SEMA3A: variants seen among roughly 807,000 people sequenced by gnomAD.
SEMA3A encodes semaphorin-3A.
SEMA3A carries 29 observed loss-of-function variants against 97.9 expected under a neutral mutation model. The ratio of observed to expected loss-of-function variants is 0.30; its 90% CI spans 0.22 to 0.40. SEMA3A has a LOEUF of 0.40. Among genes scored for constraint, SEMA3A ranks in the 10% least tolerant of loss-of-function variants. SEMA3A has a pLI of 1.00. For synonymous variants in SEMA3A, 321 were observed against 323.7 expected, an observed-to-expected ratio of 0.99 and a Z score of 0.09; for missense variants, 763 against 951.3, an observed-to-expected ratio of 0.80 and a Z score of 2.60.
rs1802953021 is a variant in SEMA3A, at chr7:84,370,741, T to C, written c.-169+1083A>G. Among the ~76,000 whole-genome samples, 2 of 151,584 alleles carry C rather than the reference T, an allele frequency of 1.3e-5. 1 individual carries two copies. The highest frequency in any genetic ancestry group is 4.1e-4 in the South Asian group (2 of 4,824). On this transcript the variant is annotated intron_variant, in intron 2 of 3. Transcript: ENST00000424555. ...TTTATAGGGAAGGAAATAAAATTCA[T>C]AGGGATGAAGTTGTAAGATGTAAAG...
At chr7:84,052,652 C>CA (rs1447716702) in intron 5 of SEMA3A, among the ~76,000 whole-genome samples, 1 of 151,888 alleles carries the variant, frequency 6.6e-6, no homozygotes, top group Non-Finnish European at 1.5e-5. Context: ...TTGATCCTTT[C>CA]AAAAAACCAG....
rs182249697 is a variant in SEMA3A at position 84,191,451 on chromosome 7, A to C, written c.112+3024T>G. On this transcript the variant is annotated intron_variant, in intron 1 of 16. Coordinates refer to ENST00000265362, the MANE Select transcript of SEMA3A (RefSeq NM_006080.3). ...GTCCTGGAATAGCCCCTTACATTGG[A>C]TGATGGAATATTTGTCATTTGTTTA... Among the ~76,000 whole-genome samples, 39 of 151,778 alleles carry C rather than the reference A, an allele frequency of 2.6e-4. No individual in the cohort carries two copies. In the East Asian group the frequency reaches 4.6e-3, roughly 18 times the overall value.
chr7:84,429,199 C>T (rs1804903893), intron 1 of SEMA3A, among the ~76,000 whole-genome samples: 1 of 151,874 alleles, frequency 6.6e-6, no homozygotes. Flanking sequence ...CATCAAATAA[C>T]ATCACATTAA....
At chr7:84,209,013 A>C (rs546905983) in intron 3 of SEMA3A, among the ~76,000 whole-genome samples, 1 of 152,334 alleles carries the variant, frequency 6.6e-6, no homozygotes, top group Non-Finnish European at 1.5e-5. Flanking sequence ...TTTACACCTT[A>C]ATTCAATTTT....
upstream of SEMA3A, among the ~76,000 whole-genome samples, chr7:84,195,608 A>G (rs1423281506): frequency 6.6e-6 from 1 of 152,076 alleles, no homozygotes. Flanking sequence ...CCATTCCAAC[A>G]ATCAGTTCAA....
chr7:83,987,869 T>A (rs990303841), intron 12 of SEMA3A, among the ~76,000 whole-genome samples: 1 of 152,194 alleles, frequency 6.6e-6, no homozygotes, highest in African/African-American at 2.4e-5. Flanking sequence ...TGCTTGCTCA[T>A]CTCTCATCCA....
At chr7:84,380,574 T>G (rs1376549508) in intron 1 of SEMA3A, among the ~76,000 whole-genome samples, 1 of 151,952 alleles carries the variant, frequency 6.6e-6, no homozygotes, top group African/African-American at 2.4e-5. Flanking sequence ...GTGAATGGAG[T>G]TAGCATAGGT....
chr7:84,457,349 T>C (rs968500501), intron 1 of SEMA3A, among the ~76,000 whole-genome samples: 1 of 151,930 alleles, frequency 6.6e-6, no homozygotes, highest in African/African-American at 2.4e-5. Context: ...AATCAAAATC[T>C]ACATGCAGAG....
At chr7:84,171,422 A>C (rs1431597806) in intron 1 of SEMA3A, among the ~76,000 whole-genome samples, 2 of 152,138 alleles carry the variant, frequency 1.3e-5, no homozygotes, top group Admixed American at 6.5e-5. Context: ...AAATAGGTGA[A>C]GCTTCTGTAT....
At chr7:84,365,899 CTTAAG>C (rs1381545402) in intron 2 of SEMA3A, among the ~76,000 whole-genome samples, 6 of 151,034 alleles carry the variant, frequency 4.0e-5, no homozygotes, top group African/African-American at 1.5e-4. Context: ...AATATTTTAT[CTTAAG>C]TTAAATTATA....
intron 4 of SEMA3A, among the ~76,000 whole-genome samples, chr7:84,087,082 T>C (rs1275901703): frequency 6.6e-6 from 1 of 152,174 alleles, no homozygotes; most frequent in Non-Finnish European, 1.5e-5. Context: ...ACATTTGCTA[T>C]TAATTCTATG....
At chr7:84,097,716 G>A (rs1376030729) in intron 4 of SEMA3A, among the ~76,000 whole-genome samples, 2 of 152,086 alleles carry the variant, frequency 1.3e-5, no homozygotes, top group African/African-American at 2.4e-5. Context: ...AAATCTTAAA[G>A]CTGTATTTGG....
At chr7:84,483,917 G>T (rs998022454) in intron 1 of SEMA3A, among the ~76,000 whole-genome samples, 1 of 151,878 alleles carries the variant, frequency 6.6e-6, no homozygotes, top group Non-Finnish European at 1.5e-5. Flanking sequence ...GGTGGTGCAC[G>T]CCTGTAATCC....
At chr7:84,220,879 C>T (rs1193166712) in intron 3 of SEMA3A, among the ~76,000 whole-genome samples, 3 of 152,094 alleles carry the variant, frequency 2.0e-5, no homozygotes, top group Non-Finnish European at 4.4e-5. Flanking sequence ...GGTAAGTGAA[C>T]ATGACCCTCA....
At position 84,252,917 on chromosome 7, in the gene SEMA3A, C is replaced by T. The variant is rs145910832; in HGVS notation, c.-83+54290G>A. 6.1e-3 allele frequency among the ~76,000 whole-genome samples: 928 copies of T among 152,092 alleles called. 42 individuals are homozygous for T. The East Asian group carries it at 0.12, about 19-fold the overall frequency. On this transcript the variant is annotated intron_variant, in intron 3 of 3. Transcript: ENST00000424555. The stretch of plus-strand genomic sequence containing the variant: ...TTTTTGAGACAGAGTCTCACTCTGT[C>T]GCCCAGGCTGGAGTGCAGTGGCAAG...
intron 3 of SEMA3A, among the ~76,000 whole-genome samples, chr7:84,206,897 T>C (rs959558573): frequency 6.6e-6 from 1 of 152,192 alleles, no homozygotes; most frequent in African/African-American, 2.4e-5. Context: ...TTACATATTA[T>C]AGTAAATATC....
At chr7:84,091,271 G>A in intron 4 of SEMA3A, among the ~76,000 whole-genome samples, 1 of 123,258 alleles carries the variant, frequency 8.1e-6, no homozygotes, top group Non-Finnish European at 1.7e-5. Flanking sequence ...AAGAGAAAAA[G>A]AAAGAAAAGA....
intron 2 of SEMA3A, among the ~76,000 whole-genome samples, chr7:84,345,550 T>C (rs1446264030): frequency 6.6e-6 from 1 of 152,204 alleles, no homozygotes. Flanking sequence ...ACTAAGTATA[T>C]GTAATATTCT....
At chr7:83,989,276 A>G (rs1427248641) in intron 12 of SEMA3A, among the ~76,000 whole-genome samples, 2 of 152,150 alleles carry the variant, frequency 1.3e-5, no homozygotes, top group Non-Finnish European at 2.9e-5. Flanking sequence ...TATACATTTC[A>G]TGTTCCTTAA....
Sources: allele counts gnomAD v4.1 joint callset (sites outside exome capture counted in the v4.1 genomes callset), GRCh38; gene constraint gnomAD v4.1.1; transcripts MANE v1.5; gene names NCBI Gene and HGNC (gene_info 2026-07-23, HGNC 2026-07-21).